The following GPATCH2L variants were observed in gnomAD, a reference collection of about 807,000 sequenced individuals.
GPATCH2L encodes the protein G patch domain-containing protein 2-like.
A neutral mutation model predicts 57.4 loss-of-function variants in GPATCH2L; 31 were observed. The observed-to-expected ratio is 0.54, with a 90% CI of 0.41 to 0.73. The LOEUF (loss-of-function observed/expected upper bound fraction) is 0.73. Among genes scored for constraint, GPATCH2L ranks in the 30% least tolerant of loss-of-function variants. The pLI, the probability that GPATCH2L is intolerant of heterozygous loss-of-function variation, is 0.00. For missense variants in GPATCH2L, 481 were observed against 599.9 expected (o/e 0.80, Z 2.07); for synonymous variants, 199 against 210.7 (o/e 0.94, Z 0.48).
At chr14:76,166,527 T>G (rs766421838) in intron 2 of GPATCH2L, 136 bp from the exon 3 acceptor site, 14 of 542,772 alleles carry the variant, frequency 2.6e-5, no homozygotes, top group Non-Finnish European at 4.1e-5. Flanking sequence ...CTTTGTAGCT[T>G]CCTGATGAAA....
rs949718218 is a variant in GPATCH2L at position 76,182,263 on chromosome 14, A to G, written c.1193+1414A>G. On this transcript the variant is annotated intron_variant, in intron 8 of 9. Transcript: ENST00000261530. ...TCCCAGCTGCTCAGGAGCCTGAGGC[A>G]GGAGAATGGCGTGAACCCGGGAGGC... Among the ~76,000 whole-genome samples the G allele has an allele frequency of 6.1e-4, 92 of 149,896 alleles. 1 individual carries two copies. Among genetic ancestry groups the G allele is most frequent in the African/African-American group, 2.1e-3 (87 of 40,892 alleles).
At chr14:76,158,804 C>A (rs1427803007) in intron 2 of GPATCH2L, among the ~76,000 whole-genome samples, 3 of 152,152 alleles carry the variant, frequency 2.0e-5, no homozygotes, top group Non-Finnish European at 4.4e-5. Context: ...TGGGTATATT[C>A]ACAGTTCTGC....
intron 8 of GPATCH2L, among the ~76,000 whole-genome samples, chr14:76,192,203 T>C (rs937537452): frequency 3.2e-4 from 48 of 151,616 alleles, no homozygotes; most frequent in African/African-American, 1.1e-3. Flanking sequence ...CTTTGTCCTC[T>C]AGGGTTCTTT....
intron 1 of GPATCH2L, among the ~76,000 whole-genome samples, chr14:76,228,259 T>C (rs1005528646): frequency 2.6e-5 from 4 of 152,238 alleles, no homozygotes; most frequent in African/African-American, 9.6e-5. Flanking sequence ...TTCTGTTACA[T>C]ACAAGATTCA....
Position 76,211,750 on chromosome 14 carries a change from A to G in GPATCH2L, c.*9899A>G, listed in dbSNP as rs902012771. ...TATTTTAAGCCTACAGGAAGTGCCC[A>G]TGGGATAAAACCAATCTGCTGGCTC... On this transcript the variant is annotated 3_prime_UTR_variant, in exon 10 of 10. Transcript: ENST00000261530. The G allele has an allele frequency of 2.0e-5, 3 of 152,218 alleles. No individual in the cohort carries two copies. Among genetic ancestry groups the G allele is most frequent in the African/African-American group, 7.2e-5 (3 of 41,454 alleles). 9.4% of individuals were successfully genotyped at this position (152,218 alleles called of 1,614,324 possible).
intron 8 of GPATCH2L, among the ~76,000 whole-genome samples, chr14:76,185,934 C>T (rs1021025896): frequency 2.0e-5 from 3 of 152,008 alleles, no homozygotes; most frequent in South Asian, 2.1e-4. Context: ...GGCGAGAATC[C>T]GGGCTTTACC....
chr14:76,232,006 G>GCCTCAAT (rs1387859717), intron 2 of GPATCH2L, among the ~76,000 whole-genome samples: 1 of 151,734 alleles, frequency 6.6e-6, no homozygotes, highest in African/African-American at 2.4e-5. Context: ...CCTCACTGCA[G>GCCTCAAT]GCTCAAGCAA....
intron 7 of GPATCH2L, 126 bp from the exon 8 acceptor site, chr14:76,180,638 G>A (rs1171901153): frequency 1.4e-6 from 1 of 709,126 alleles, no homozygotes; most frequent in Admixed American, 2.0e-5. Context: ...TTACTGAACA[G>A]TGCCTGTGTT....
intron 1 of GPATCH2L, among the ~76,000 whole-genome samples, chr14:76,220,357 A>G (rs1434359033): frequency 6.6e-6 from 1 of 152,246 alleles, no homozygotes; most frequent in Admixed American, 6.5e-5. Flanking sequence ...TGATATAGCT[A>G]TACAAATATC....
chr14:76,156,819 A>G (rs1048784878), intron 2 of GPATCH2L, among the ~76,000 whole-genome samples: 8 of 152,374 alleles, frequency 5.3e-5, no homozygotes, highest in South Asian at 2.1e-4. Context: ...CAGCCCAAGT[A>G]TGGCTCCAGA....
rs767138836 is a variant in GPATCH2L at position 76,154,847 on chromosome 14, T to A, written c.484T>A (p.Ser162Thr). 4 of 1,614,200 alleles carry A rather than the reference T, an allele frequency of 2.5e-6. No individual in the cohort carries two copies. In the Admixed American group the frequency reaches 6.7e-5, roughly 27 times the overall value. The change falls in exon 2 of 10, where the codon TCT becomes ACT. Residue 162 changes from serine (S) to threonine (T), a missense_variant. Transcript: ENST00000261530. This position sits in a 1 kb window ranked among gnomAD's most constrained non-coding sequence, Gnocchi z 4.4. The part of the protein sequence containing the change: ...WSYERGCRFK[S>T]AKKQRLSRWK... ...CTATGAGAGAGGCTGCAGGTTCAAGTCTGCTAAGAAGCAGCGTCTGTCCCG... is the reference window on the plus strand; with the variant it reads ...CTATGAGAGAGGCTGCAGGTTCAAGACTGCTAAGAAGCAGCGTCTGTCCCG...
chr14:76,158,642 C>T (rs2038423538), intron 2 of GPATCH2L, among the ~76,000 whole-genome samples: 1 of 152,148 alleles, frequency 6.6e-6, no homozygotes, highest in Admixed American at 6.5e-5. Flanking sequence ...ATCAGGGTTT[C>T]CTGGAGCTGT....
intron 9 of GPATCH2L, among the ~76,000 whole-genome samples, chr14:76,199,113 A>AT (rs1469629748): frequency 6.6e-6 from 1 of 152,220 alleles, no homozygotes; most frequent in Non-Finnish European, 1.5e-5. Context: ...TAAGGAGTAA[A>AT]TAAAATACAG....
intron 5 of GPATCH2L, chr14:76,174,488 A>T (rs1346082355): frequency 6.6e-6 from 1 of 152,242 alleles, no homozygotes; most frequent in East Asian, 1.9e-4. Context: ...TATGTGCCAC[A>T]GTCTGGCTTC....
chr14:76,172,224 T>C (rs1439140956), intron 4 of GPATCH2L, among the ~76,000 whole-genome samples: 2 of 152,204 alleles, frequency 1.3e-5, no homozygotes, highest in African/African-American at 2.4e-5. Flanking sequence ...CCATGGAAAC[T>C]CCTGGGACAT....
chr14:76,202,111 C>A lies in GPATCH2L; in HGVS notation c.*260C>A, dbSNP rs2040321244. On this transcript the variant is annotated 3_prime_UTR_variant, in exon 10 of 10. Transcript: ENST00000261530. ...TGCTCTATTTGTTACCTTGTTATTG[C>A]TGTCTCAACATTTACTACAGCTCCA... 1 of 304,306 alleles carries A rather than the reference C, an allele frequency of 3.3e-6. No individual in the cohort carries two copies. 18.9% of individuals were successfully genotyped at this position (304,306 alleles called of 1,614,324 possible).
At chr14:76,218,202 G>T (rs2040497623), downstream of GPATCH2L, among the ~76,000 whole-genome samples, 1 of 152,116 alleles carries the variant, frequency 6.6e-6, no homozygotes, top group Non-Finnish European at 1.5e-5. Flanking sequence ...AAAATGTTCT[G>T]TAAGACTTAG....
chr14:76,227,829 G>A (rs2040542500), intron 1 of GPATCH2L, among the ~76,000 whole-genome samples: 1 of 152,164 alleles, frequency 6.6e-6, no homozygotes, highest in African/African-American at 2.4e-5. Flanking sequence ...AGCCCCGTGA[G>A]TCTGCACCAC....
chr14:76,164,219 C>G (rs143247829), intron 2 of GPATCH2L, among the ~76,000 whole-genome samples: 19 of 152,278 alleles, frequency 1.2e-4, no homozygotes, highest in Non-Finnish European at 2.6e-4. Context: ...GACGCCCTAC[C>G]TCTCCCAGCC....
Sources: gnomAD v4.1 joint callset for allele counts (sites outside exome capture counted in the v4.1 genomes callset) on GRCh38, gnomAD v4.1.1 for gene constraint, Gnocchi (gnomAD v3.1) non-coding constraint, MANE v1.5 for transcripts, NCBI Gene and HGNC (gene_info 2026-07-23, HGNC 2026-07-21) for gene names.